The following PLCG2 variants were observed in gnomAD, a reference collection of about 807,000 sequenced individuals.
The protein encoded by PLCG2 is phospholipase C gamma 2, also known as 1-phosphatidylinositol 4,5-bisphosphate phosphodiesterase gamma-2.
In PLCG2, 69 loss-of-function variants were observed where a neutral mutation model predicts 175.6. That is an observed-to-expected ratio of 0.39 (90% CI 0.32 to 0.48). The LOEUF is 0.48. Among genes scored for constraint, PLCG2 ranks in the 20% least tolerant of loss-of-function variants. The pLI, the probability that PLCG2 is intolerant of heterozygous loss-of-function variation, is 0.91. For missense variants in PLCG2, 1,798 were observed against 1,650.9 expected (o/e 1.09, Z -1.54); for synonymous variants, 827 against 624.0 (o/e 1.33, Z -4.85).
intron 14 of PLCG2, among the ~76,000 whole-genome samples, chr16:81,902,973 A>T (rs970270904): frequency 2.2e-4 from 34 of 152,282 alleles, no homozygotes; most frequent in African/African-American, 7.2e-4. Flanking sequence ...CCATGATTCA[A>T]TTACCTCCCA....
intron 31 of PLCG2, among the ~76,000 whole-genome samples, chr16:81,946,649 A>C (rs980970019): frequency 3.9e-5 from 6 of 152,154 alleles, no homozygotes; most frequent in African/African-American, 1.4e-4. Flanking sequence ...ATAGCCTCCA[A>C]TCAAGTAGAA....
intron 2 of PLCG2, among the ~76,000 whole-genome samples, chr16:81,791,646 C>T (rs1408867891): frequency 6.6e-6 from 1 of 152,162 alleles, no homozygotes; most frequent in East Asian, 1.9e-4. Context: ...CTCACTGCAA[C>T]CTTTGCCTCC....
intron 17 of PLCG2, among the ~76,000 whole-genome samples, chr16:81,908,811 A>C (rs896117214): frequency 6.6e-6 from 1 of 152,196 alleles, no homozygotes; most frequent in African/African-American, 2.4e-5. Context: ...ATCTTTTAAA[A>C]AATCAAAAGT....
At chr16:81,820,321 C>T (rs1025554832) in intron 2 of PLCG2, among the ~76,000 whole-genome samples, 4 of 152,112 alleles carry the variant, frequency 2.6e-5, no homozygotes, top group African/African-American at 9.7e-5. Flanking sequence ...CCCCCACCCT[C>T]CCCAGCATGC....
chr16:81,806,645 G>A (rs1051114375), intron 2 of PLCG2, among the ~76,000 whole-genome samples: 1 of 152,010 alleles, frequency 6.6e-6, no homozygotes, highest in African/African-American at 2.4e-5. Context: ...AGTTGTAACT[G>A]AGTAAATTTT....
intron 16 of PLCG2, among the ~76,000 whole-genome samples, 167 bp from the exon 17 acceptor site, chr16:81,908,249 A>T (rs766459032): frequency 2.6e-5 from 4 of 152,076 alleles, no homozygotes; most frequent in Non-Finnish European, 5.9e-5. Context: ...CAGGCAGAGG[A>T]GGGTAGCAGG....
chr16:81,927,400 G>A (rs1174504174), intron 23 of PLCG2, among the ~76,000 whole-genome samples: 2 of 152,216 alleles, frequency 1.3e-5, no homozygotes, highest in Non-Finnish European at 2.9e-5. Flanking sequence ...GGTTGTGTTG[G>A]GCTTGGAAGG....
At chr16:81,894,084 G>A (rs540994347) in intron 12 of PLCG2, among the ~76,000 whole-genome samples, 9 of 151,694 alleles carry the variant, frequency 5.9e-5, no homozygotes, top group Non-Finnish European at 1.0e-4. Flanking sequence ...TCCTAGGTGT[G>A]CACAGGTACC....
intron 2 of PLCG2, among the ~76,000 whole-genome samples, chr16:81,818,871 G>A (rs1335035015): frequency 7.5e-6 from 1 of 133,244 alleles, no homozygotes; most frequent in African/African-American, 3.0e-5. Flanking sequence ...ATAAGCTAGT[G>A]TGGGCTCATG....
chr16:81,957,545 A>G (rs563392832), intron 32 of PLCG2, among the ~76,000 whole-genome samples: 1 of 152,286 alleles, frequency 6.6e-6, no homozygotes, highest in South Asian at 2.1e-4. Context: ...AAGATCCCCC[A>G]ACAGGGATGC....
chr16:81,743,465 C>A (rs562564631), intron 1 of PLCG2, among the ~76,000 whole-genome samples: 1 of 152,218 alleles, frequency 6.6e-6, no homozygotes, highest in Admixed American at 6.5e-5. Context: ...GAGCGACCTG[C>A]GTGGTCAAAA....
chr16:81,945,254 G>C (rs1911105710), intron 30 of PLCG2, among the ~76,000 whole-genome samples: 1 of 152,198 alleles, frequency 6.6e-6, no homozygotes, highest in Non-Finnish European at 1.5e-5. Flanking sequence ...AAGGCACAGA[G>C]GAAACAGTGG....
intron 30 of PLCG2, among the ~76,000 whole-genome samples, chr16:81,940,408 C>G (rs1175716538): frequency 6.6e-6 from 1 of 152,162 alleles, no homozygotes; most frequent in East Asian, 1.9e-4. Flanking sequence ...CCCTCCTGCT[C>G]TCTGGCTGGC....
At position 81,910,568 on chromosome 16, in the gene PLCG2, C is replaced by G; in HGVS notation, c.1782C>G (p.Gly594=). The stretch of plus-strand genomic sequence containing the variant: ...GCCGGATCCGCTCCACCATGGAGGG[C>G]GGGACCCTGAAATACTACTTGACTG... The part of the protein sequence containing the change: ...QHCRIRSTME[G]GTLKYYLTDN... The change falls in exon 18 of 33, where the codon GGC becomes GGG. Residue 594 remains glycine, a synonymous_variant. Transcript: ENST00000564138. The G allele has an allele frequency of 6.2e-7, 1 of 1,614,110 alleles. No homozygotes were observed.
At chr16:81,925,435 G>A (rs1224063833) in intron 22 of PLCG2, among the ~76,000 whole-genome samples, 1 of 152,094 alleles carries the variant, frequency 6.6e-6, no homozygotes, top group South Asian at 2.1e-4. Flanking sequence ...GCCAGAAGTG[G>A]GTCTGGAGAA....
intron 31 of PLCG2, among the ~76,000 whole-genome samples, chr16:81,953,105 C>T (rs1027858654): frequency 2.0e-5 from 3 of 152,190 alleles, no homozygotes; most frequent in Non-Finnish European, 4.4e-5. Context: ...AGTTGCTGGA[C>T]ATTCATACAA....
chr16:81,756,772 G>A (rs749913017), intron 2 of PLCG2, among the ~76,000 whole-genome samples: 5 of 152,190 alleles, frequency 3.3e-5, no homozygotes, highest in African/African-American at 4.8e-5. Flanking sequence ...ACAAAGCTGC[G>A]TTTGAGCCTA....
Position 81,919,704 on chromosome 16 carries a change from G to T in PLCG2, c.2235+40G>T, listed in dbSNP as rs748484411. ...CCCTTGTGATTTGGTGGGATTTCTT[G>T]TCTGAGGTTGTAACTCATCTGTTCA... On this transcript the variant is annotated intron_variant, in intron 20 of 32. Transcript: ENST00000564138. 3.7e-5 allele frequency: 57 copies of T among 1,554,396 alleles called. No individual in the cohort carries two copies. The South Asian group carries it at 6.2e-4, about 17-fold the overall frequency.
At position 81,863,088 on chromosome 16, in the gene PLCG2, G is replaced by A. The variant is rs569494854; in HGVS notation, c.479+3925G>A. On this transcript the variant is annotated intron_variant, in intron 5 of 32. Coordinates refer to ENST00000564138, the MANE Select transcript of PLCG2 (RefSeq NM_002661.5). Reference sequence around the variant, plus strand: ...GATCATTTTAACCGTTCTTAGATATGTACTTCTGTGGGATGAAGTATATCA... The same window carrying A: ...GATCATTTTAACCGTTCTTAGATATATACTTCTGTGGGATGAAGTATATCA... Among the ~76,000 whole-genome samples the A allele has an allele frequency of 8.6e-4, 131 of 152,264 alleles. 1 individual carries two copies. Among genetic ancestry groups the A allele is most frequent in the African/African-American group, 3.2e-3 (131 of 41,550 alleles).
Sources: allele counts gnomAD v4.1 joint callset (sites outside exome capture counted in the v4.1 genomes callset), GRCh38; gene constraint gnomAD v4.1.1; transcripts MANE v1.5; gene names NCBI Gene and HGNC (gene_info 2026-07-23, HGNC 2026-07-21).